Variants in ZNF541 observed in about 807,000 individuals in gnomAD.
ZNF541 encodes zinc finger protein 541.
A neutral mutation model predicts 123.5 loss-of-function variants in ZNF541; 23 were observed. The ratio of observed to expected loss-of-function variants is 0.19; its 90% confidence interval spans 0.13 to 0.26. The LOEUF is 0.26. Among genes scored for constraint, ZNF541 ranks in the 10% least tolerant of loss-of-function variants. The pLI is 1.00. For missense variants in ZNF541, 1,612 were observed against 1,789.9 expected (o/e 0.90, Z 1.79); for synonymous variants, 751 against 754.5 (o/e 1.00, Z 0.08).
chr19:47,553,175 T>C (rs1020598536), intron 3 of ZNF541, among the ~76,000 whole-genome samples: 1 of 152,098 alleles, frequency 6.6e-6, no homozygotes, highest in Non-Finnish European at 1.5e-5. Context: ...GGAACTAGCC[T>C]GGGAAGTCAC....
chr19:47,569,241 T>G (rs1971383906), intron 2 of ZNF541, among the ~76,000 whole-genome samples: 1 of 152,118 alleles, frequency 6.6e-6, no homozygotes, highest in South Asian at 2.1e-4. Context: ...CCTTATAATA[T>G]TCATCATTGT....
chr19:47,543,797 C>A (rs2123115381), intron 5 of ZNF541, among the ~76,000 whole-genome samples: 2 of 152,032 alleles, frequency 1.3e-5, no homozygotes, highest in South Asian at 4.2e-4. Context: ...CGTGTGCCAC[C>A]ACGCCCAGCT....
At chr19:47,537,204 C>T (rs1171732402) in intron 9 of ZNF541, among the ~76,000 whole-genome samples, 1 of 152,142 alleles carries the variant, frequency 6.6e-6, no homozygotes, top group Non-Finnish European at 1.5e-5. Flanking sequence ...CTAAAAATCA[C>T]TGCATACTCT....
At chr19:47,528,596 G>A (rs1220885027) in intron 14 of ZNF541, among the ~76,000 whole-genome samples, 5 of 152,048 alleles carry the variant, frequency 3.3e-5, no homozygotes, top group Admixed American at 2.0e-4. Flanking sequence ...GGGATTACAG[G>A]CGTAAGCCAC....
Position 47,545,409 on chromosome 19 carries a change from G to A in ZNF541, c.1120C>T (p.Leu374=), listed in dbSNP as rs1429660077. ...DPPEPEPDTA[L]LQARSTAECW... is the part of the protein sequence containing the mutation. The stretch of plus-strand genomic sequence containing the variant: ...TCCGCGGTGGACCGGGCCTGGAGCA[G>A]CGCGGTATCTGGCTCCGGCTCTGGC... Residue 374 remains leucine, a synonymous_variant, in exon 5 of 17, where the codon CTG becomes TTG. Coordinates refer to ENST00000391901, the MANE Select transcript of ZNF541 (RefSeq NM_001277075.3). This position sits in a 1 kb window ranked among gnomAD's most constrained non-coding sequence, Gnocchi z 7.5. 2 of 1,498,490 alleles carry A rather than the reference G, an allele frequency of 1.3e-6. No homozygotes were observed. Among genetic ancestry groups the A allele is most frequent in the South Asian group, 2.6e-5 (2 of 76,804 alleles). 92.8% of individuals were successfully genotyped at this position (1,498,490 alleles called of 1,614,324 possible). A position where few individuals can be genotyped will look rare whatever the true frequency, so the allele number is the denominator to read the frequency against.
At chr19:47,558,111 G>C (rs571503341) in intron 2 of ZNF541, among the ~76,000 whole-genome samples, 1 of 152,132 alleles carries the variant, frequency 6.6e-6, no homozygotes, top group South Asian at 2.1e-4. Flanking sequence ...GAAAAAATAA[G>C]AAGGATTATA....
At chr19:47,525,475 G>A (rs1248679015) in intron 14 of ZNF541, among the ~76,000 whole-genome samples, 1 of 151,808 alleles carries the variant, frequency 6.6e-6, no homozygotes, top group Admixed American at 6.6e-5. Context: ...AAAACAGTAT[G>A]GTATTACATT....
At chr19:47,526,490 A>G (rs1329233163) in intron 14 of ZNF541, among the ~76,000 whole-genome samples, 1 of 147,496 alleles carries the variant, frequency 6.8e-6, no homozygotes, top group Non-Finnish European at 1.5e-5. Flanking sequence ...TCAAAAAAAA[A>G]AAAAAAAAAA....
chr19:47,567,970 C>G (rs1332454149), intron 2 of ZNF541, among the ~76,000 whole-genome samples: 1 of 152,188 alleles, frequency 6.6e-6, no homozygotes, highest in Non-Finnish European at 1.5e-5. Context: ...TCTAAATTAT[C>G]TAGGAAGTTA....
chr19:47,528,386 CCACTCACT>C (rs1969408211), intron 14 of ZNF541, among the ~76,000 whole-genome samples: 4 of 151,374 alleles, frequency 2.6e-5, no homozygotes, highest in Non-Finnish European at 5.9e-5. Flanking sequence ...GGCACAATCC[CCACTCACT>C]GCAACTCTGC....
At chr19:47,526,496 A>AAAAAAAG (rs573697191) in intron 14 of ZNF541, among the ~76,000 whole-genome samples, 24 of 137,358 alleles carry the variant, frequency 1.7e-4, no homozygotes, top group African/African-American at 4.2e-4. Flanking sequence ...AAAAAAAAAA[A>AAAAAAAG]AAAAGAAAAC....
intron 2 of ZNF541, among the ~76,000 whole-genome samples, chr19:47,566,883 T>C (rs954540160): frequency 9.3e-5 from 14 of 150,476 alleles, no homozygotes; most frequent in Non-Finnish European, 1.5e-4. Context: ...AACCCCGTCT[T>C]TACTAAAAAT....
rs143533863 is a variant in ZNF541 at position 47,542,334 on chromosome 19, T to A, written c.2404-1383A>T. On this transcript the variant is annotated intron_variant, in intron 5 of 16. Transcript: ENST00000391901. ...TGGTTGCACGATCTTGTGAATATAC[T>A]ACAAATTACCCAACGCTACACTTTA... is the stretch of plus-strand genomic sequence containing the variant. Among the ~76,000 whole-genome samples, 479 of 152,222 alleles carry A rather than the reference T, an allele frequency of 3.1e-3. 2 individuals are homozygous for A. Among genetic ancestry groups the A allele is most frequent in the African/African-American group, 0.011 (448 of 41,548 alleles).
At chr19:47,536,524 C>T (rs1969828809) in intron 9 of ZNF541, among the ~76,000 whole-genome samples, 1 of 152,198 alleles carries the variant, frequency 6.6e-6, no homozygotes, top group South Asian at 2.1e-4. Context: ...AGGCATGAGC[C>T]ACCATGCCTG....
chr19:47,549,392 G>A lies in ZNF541; in HGVS notation c.401C>T (p.Ser134Phe). ...SARKGKRQHS[S>F]PQNPLLDCSL... The stretch of plus-strand genomic sequence containing the variant: ...GCAGTCCAGAAGTGGGTTTTGAGGG[G>A]AACTGTGCTGCCGCTTTCCTTTCCT... Residue 134 changes from serine (S) to phenylalanine (F), a missense_variant, in exon 4 of 17, where the codon TCC (serine) becomes TTC (phenylalanine). By Grantham distance (155) the Ser-to-Phe change is radical. Transcript: ENST00000391901. 2 of 1,551,716 alleles carry A rather than the reference G, an allele frequency of 1.3e-6. No individual in the cohort carries two copies. The highest frequency in any genetic ancestry group is 2.0e-5 in the Admixed American group (1 of 50,990).
At chr19:47,559,911 C>T (rs1970992502) in intron 2 of ZNF541, among the ~76,000 whole-genome samples, 1 of 150,628 alleles carries the variant, frequency 6.6e-6, no homozygotes, top group African/African-American at 2.4e-5. Flanking sequence ...GCATATTTAA[C>T]TTACCCCTGC....
chr19:47,565,019 T>C (rs1599741926), intron 2 of ZNF541, among the ~76,000 whole-genome samples: 1 of 152,324 alleles, frequency 6.6e-6, no homozygotes, highest in South Asian at 2.1e-4. Flanking sequence ...TGGATTGAAC[T>C]GGAGACTATT....
chr19:47,532,223 T>A lies in ZNF541; in HGVS notation c.3206A>T (p.Gln1069Leu). Residue 1069 changes from glutamine (Q) to leucine (L), a missense_variant, in exon 11 of 17, where the codon CAG becomes CTG. Gln to Leu is a moderately radical substitution (Grantham distance 113). Around this residue, in one of 5 missense-constraint regions of ZNF541, gnomAD observed 285 missense variants for 407.3 expected, o/e 0.70. Coordinates refer to ENST00000391901, the MANE Select transcript of ZNF541 (RefSeq NM_001277075.3). ...GTCAGTTCCAGCCAGGGATCTCTCC[T>A]GGAGTTCCGGGATCTCTGCCTGAAA... ...SRFQAEIPEL[Q>L]ERSLAGTDEH... is the part of the protein sequence containing the mutation. 1 of 1,551,880 alleles carries A rather than the reference T, an allele frequency of 6.4e-7. No homozygotes were observed. Among genetic ancestry groups the A allele is most frequent in the South Asian group, 1.2e-5 (1 of 84,066 alleles).
intron 10 of ZNF541, 52 bp downstream of exon 10, chr19:47,532,857 C>G (rs1241265533): frequency 6.5e-7 from 1 of 1,527,732 alleles, no homozygotes; most frequent in Non-Finnish European, 8.9e-7. Context: ...AAAAGTGACA[C>G]TAGAACTCAA....
Sources: allele counts gnomAD v4.1 joint callset (sites outside exome capture counted in the v4.1 genomes callset), GRCh38; gene constraint gnomAD v4.1.1; regional missense constraint gnomAD v4.1.1; non-coding constraint Gnocchi (gnomAD v3.1); transcripts MANE v1.5; gene names NCBI Gene and HGNC (gene_info 2026-07-23, HGNC 2026-07-21).